EXT1: variants seen among roughly 807,000 people sequenced by gnomAD.
The protein encoded by EXT1 is exostosin glycosyltransferase 1, also known as exostosin-1.
Under a neutral mutation model 82.5 loss-of-function variants are expected in EXT1, and 20 were observed. The observed-to-expected ratio is 0.24, with a 90% CI of 0.17 to 0.35. The LOEUF is 0.35. EXT1 is among the 10% of genes least tolerant of loss of function. The pLI is 1.00. For missense variants in EXT1, 757 were observed against 936.5 expected (o/e 0.81, Z 2.50); for synonymous variants, 348 against 350.8 (o/e 0.99, Z 0.09).
chr8:117,817,259 T>G (rs992048072), intron 7 of EXT1, among the ~76,000 whole-genome samples: 1 of 152,184 alleles, frequency 6.6e-6, no homozygotes, highest in African/African-American at 2.4e-5. Context: ...CTGATCATCT[T>G]GTCCTTGTGA....
Position 117,795,864 on chromosome 8 carries a change from C to T in EXT1, c.*3848G>A, listed in dbSNP as rs1377084676. 1 of 152,052 alleles carries T rather than the reference C, an allele frequency of 6.6e-6. No homozygotes were observed. The highest frequency in any genetic ancestry group is 2.4e-5 in the African/African-American group (1 of 41,392). 9.4% of individuals were successfully genotyped at this position (152,052 alleles called of 1,614,324 possible). A position where few individuals can be genotyped will look rare whatever the true frequency, so the allele number is the denominator to read the frequency against. Reference sequence around the variant, plus strand: ...ATCTCTTTATGCTGAAGTTCTTATACCAAGTGAGACAAGTTTAGCACAGTT... The same window carrying T: ...ATCTCTTTATGCTGAAGTTCTTATATCAAGTGAGACAAGTTTAGCACAGTT... On this transcript the variant is annotated 3_prime_UTR_variant, in exon 11 of 11. Transcript: ENST00000378204.
chr8:118,029,864 G>A (rs1419379094), intron 1 of EXT1, among the ~76,000 whole-genome samples: 1 of 152,138 alleles, frequency 6.6e-6, no homozygotes, highest in Non-Finnish European at 1.5e-5. Context: ...TTGATTTTGA[G>A]CACAAATATT....
At position 117,822,965 on chromosome 8, in the gene EXT1, A is replaced by G. The variant is rs560557686; in HGVS notation, c.1285-368T>C. 7.9e-5 allele frequency among the ~76,000 whole-genome samples: 12 copies of G among 151,790 alleles called. No individual in the cohort carries two copies. In the South Asian group the frequency reaches 1.7e-3, roughly 21 times the overall value. On this transcript the variant is annotated intron_variant, in intron 4 of 10. Transcript: ENST00000378204. Reference sequence around the variant, plus strand: ...CTAAGATAGGTTCCAGGCCCCTATCAAGAAGATCTGTTCTCAGAGAACAAG... The same window carrying G: ...CTAAGATAGGTTCCAGGCCCCTATCGAGAAGATCTGTTCTCAGAGAACAAG...
At chr8:118,016,828 G>T (rs1311985304) in intron 1 of EXT1, among the ~76,000 whole-genome samples, 3 of 152,194 alleles carry the variant, frequency 2.0e-5, no homozygotes, top group Middle Eastern at 3.2e-3. Context: ...AACAAGCCAA[G>T]CTTTCCATGC....
intron 1 of EXT1, among the ~76,000 whole-genome samples, chr8:117,948,387 G>T (rs891679854): frequency 3.3e-5 from 5 of 149,860 alleles, no homozygotes; most frequent in Non-Finnish European, 7.4e-5. Context: ...TATCTTAAGT[G>T]ACAGAGAACA....
intron 1 of EXT1, among the ~76,000 whole-genome samples, chr8:117,969,704 C>T (rs113710399): frequency 2.8e-4 from 43 of 152,218 alleles, no homozygotes; most frequent in Non-Finnish European, 3.2e-4. Flanking sequence ...TGCGCGCGCA[C>T]GCGTGTATGT....
intron 1 of EXT1, among the ~76,000 whole-genome samples, chr8:117,879,151 T>G (rs1335580965): frequency 1.3e-5 from 2 of 152,174 alleles, no homozygotes; most frequent in African/African-American, 4.8e-5. Context: ...AAACACTCAG[T>G]GATGAATAGG....
chr8:118,051,074 G>A (rs1053975405), intron 1 of EXT1, among the ~76,000 whole-genome samples: 4 of 152,260 alleles, frequency 2.6e-5, no homozygotes, highest in East Asian at 1.9e-4. Flanking sequence ...AGTGGCTCAC[G>A]TCTATAATCC....
intron 1 of EXT1, among the ~76,000 whole-genome samples, chr8:117,895,984 T>C (rs2129954960): frequency 1.3e-5 from 2 of 152,332 alleles, no homozygotes; most frequent in Middle Eastern, 3.4e-3. Context: ...GTTTCTGAAA[T>C]ACAGATAAAC....
chr8:117,911,605 A>G (rs999074486), intron 1 of EXT1, among the ~76,000 whole-genome samples: 3 of 152,206 alleles, frequency 2.0e-5, no homozygotes, highest in Non-Finnish European at 2.9e-5. Context: ...GGCCTCAGAA[A>G]GAAGGCCAAC....
At chr8:117,998,052 T>C (rs1273694783) in intron 1 of EXT1, among the ~76,000 whole-genome samples, 1 of 150,358 alleles carries the variant, frequency 6.7e-6, no homozygotes, top group Non-Finnish European at 1.5e-5. Context: ...TCTTGCTCTG[T>C]CACTAGGCTG....
At chr8:118,034,980 T>C (rs906382367) in intron 1 of EXT1, among the ~76,000 whole-genome samples, 13 of 152,126 alleles carry the variant, frequency 8.5e-5, no homozygotes, top group African/African-American at 3.1e-4. Context: ...AAAGCTAAAT[T>C]AGAAATTAAA....
intron 1 of EXT1, among the ~76,000 whole-genome samples, chr8:117,913,175 C>G (rs1259932634): frequency 6.6e-6 from 1 of 152,106 alleles, no homozygotes; most frequent in Non-Finnish European, 1.5e-5. Context: ...TGAGCAAAGA[C>G]TGCACCACTA....
intron 1 of EXT1, among the ~76,000 whole-genome samples, chr8:117,910,406 G>A (rs538283263): frequency 6.6e-6 from 1 of 152,298 alleles, no homozygotes; most frequent in Non-Finnish European, 1.5e-5. Context: ...CAGGAAAGAT[G>A]GTCCACCCGG....
At chr8:118,056,353 T>C (rs1222146059) in intron 1 of EXT1, among the ~76,000 whole-genome samples, 1 of 152,214 alleles carries the variant, frequency 6.6e-6, no homozygotes. Context: ...GAGAACATGC[T>C]GCAGTCTTCT....
intron 10 of EXT1, among the ~76,000 whole-genome samples, chr8:117,801,086 T>A (rs920462336): frequency 2.0e-5 from 3 of 152,246 alleles, no homozygotes; most frequent in Non-Finnish European, 4.4e-5. Context: ...TACATTTTAG[T>A]GTGAGAAGCA....
chr8:117,861,371 A>G lies in EXT1; in HGVS notation c.963-24170T>C, dbSNP rs554081484. 4.0e-4 allele frequency among the ~76,000 whole-genome samples: 61 copies of G among 152,346 alleles called. 4 individuals are homozygous for G. In the South Asian group the frequency reaches 9.1e-3, roughly 23 times the overall value. On this transcript the variant is annotated intron_variant, in intron 1 of 10. Transcript: ENST00000378204. ...AATAATTATGTTTAAGTAAGCCAATAAAGTCTATCTTCTCCAATTTACTTA... is the reference window on the plus strand; with the variant it reads ...AATAATTATGTTTAAGTAAGCCAATGAAGTCTATCTTCTCCAATTTACTTA...
intron 1 of EXT1, among the ~76,000 whole-genome samples, chr8:117,880,855 T>C (rs1045516726): frequency 1.3e-4 from 20 of 152,332 alleles, no homozygotes; most frequent in African/African-American, 3.1e-4. Flanking sequence ...CCTCCCAAAG[T>C]GCTGGGATTA....
At chr8:117,811,773 G>A (rs535608103) in intron 8 of EXT1, among the ~76,000 whole-genome samples, 1 of 152,036 alleles carries the variant, frequency 6.6e-6, no homozygotes, top group Non-Finnish European at 1.5e-5. Context: ...CCTGGACCAC[G>A]CCTGGCTAAT....
Sources: allele counts gnomAD v4.1 joint callset (sites outside exome capture counted in the v4.1 genomes callset), GRCh38; gene constraint gnomAD v4.1.1; transcripts MANE v1.5; gene names NCBI Gene and HGNC (gene_info 2026-07-23, HGNC 2026-07-21).